Variants in TBCE observed in about 807,000 individuals in gnomAD.
TBCE encodes the protein tubulin folding cofactor E.
In TBCE, 53 loss-of-function variants were observed where a neutral mutation model predicts 77.0. The observed-to-expected ratio is 0.69, with a 90% CI of 0.55 to 0.87. The LOEUF (loss-of-function observed/expected upper bound fraction) is 0.87. Among genes scored for constraint, TBCE ranks in the 40% least tolerant of loss-of-function variants. TBCE has a pLI of 0.00. For synonymous variants in TBCE, 235 were observed against 241.3 expected (o/e 0.97, Z 0.24); for missense variants, 624 against 622.4 (o/e 1.00, Z -0.03).
chr1:235,442,990 A>G, intron 15 of TBCE, 79 bp downstream of exon 15: 2 of 1,410,554 alleles, frequency 1.4e-6, no homozygotes, highest in East Asian at 2.3e-5. Context: ...TAAAACCTTT[A>G]ACTCATGTCT....
intron 1 of TBCE, 43 bp from the exon 2 acceptor site, chr1:235,379,976 G>A (rs2102813089): frequency 1.6e-6 from 2 of 1,271,278 alleles, no homozygotes; most frequent in South Asian, 1.2e-5. Context: ...TCCTTTAAAG[G>A]AATTGTATTA....
At chr1:235,387,270 A>C (rs975659994) in intron 2 of TBCE, among the ~76,000 whole-genome samples, 1 of 152,138 alleles carries the variant, frequency 6.6e-6, no homozygotes, top group African/African-American at 2.4e-5. Flanking sequence ...TTGAGGAGGC[A>C]GTCTGCCTGT....
chr1:235,417,522 C>T (rs1367791713), intron 4 of TBCE, among the ~76,000 whole-genome samples: 2 of 152,198 alleles, frequency 1.3e-5, no homozygotes, highest in Admixed American at 1.3e-4. Context: ...GGCGTCCAGT[C>T]TGATTCCAGG....
chr1:235,421,144 C>T (rs1482574960), intron 5 of TBCE, among the ~76,000 whole-genome samples: 3 of 152,200 alleles, frequency 2.0e-5, no homozygotes, highest in Non-Finnish European at 4.4e-5. Flanking sequence ...CATGGTGGCT[C>T]ATGCTGGTAA....
chr1:235,420,300 C>T (rs540457540), intron 5 of TBCE, among the ~76,000 whole-genome samples: 54 of 151,300 alleles, frequency 3.6e-4, no homozygotes, highest in African/African-American at 1.0e-3. Flanking sequence ...CAGCCCTGGT[C>T]TGTTTTCTCA....
chr1:235,429,957 A>C (rs1425197255), intron 6 of TBCE: 1 of 152,262 alleles, frequency 6.6e-6, no homozygotes, highest in African/African-American at 2.4e-5. Flanking sequence ...ACCTCAGGTG[A>C]TCCATCTGCC....
At chr1:235,434,583 G>C (rs1681305736) in intron 8 of TBCE, among the ~76,000 whole-genome samples, 1 of 146,206 alleles carries the variant, frequency 6.8e-6, no homozygotes, top group African/African-American at 2.6e-5. Context: ...CTGTCGCCCA[G>C]GCTGGAGTGC....
At position 235,438,313 on chromosome 1, in the gene TBCE, C is replaced by T. The variant is rs146933057; in HGVS notation, c.1117-456C>T. 1.8e-3 allele frequency among the ~76,000 whole-genome samples: 274 copies of T among 152,160 alleles called. 1 individual carries two copies. Among genetic ancestry groups the T allele is most frequent in the African/African-American group, 6.3e-3 (262 of 41,506 alleles). On this transcript the variant is annotated intron_variant, in intron 12 of 16. Coordinates refer to ENST00000642610, the MANE Select transcript of TBCE (RefSeq NM_003193.5). ...CTGTAATCCCAGCACTTTGGGAGGC[C>T]GAGGTTGGCAGATCATGAGGTCAGG...
At chr1:235,388,435 C>T (rs2102830539) in intron 2 of TBCE, among the ~76,000 whole-genome samples, 1 of 151,862 alleles carries the variant, frequency 6.6e-6, no homozygotes, top group South Asian at 2.1e-4. Context: ...ATTACGGGGA[C>T]CCACCACCAC....
chr1:235,422,409 A>G (rs1680446074), intron 5 of TBCE, among the ~76,000 whole-genome samples: 2 of 152,032 alleles, frequency 1.3e-5, no homozygotes, highest in South Asian at 4.2e-4. Context: ...GCTACTCAGG[A>G]GGAGGCTGAG....
intron 2 of TBCE, among the ~76,000 whole-genome samples, chr1:235,399,531 G>A (rs999433189): frequency 2.0e-5 from 3 of 152,196 alleles, no homozygotes; most frequent in Admixed American, 2.0e-4. Context: ...CTAGAGGCAG[G>A]AATGCTAATG....
chr1:235,449,064 A>G lies in TBCE; in HGVS notation c.*302A>G. Reference sequence around the variant, plus strand: ...TAAATAGAAAGAAACTAGCTAGCCTAATAAAATCTGAACACAGTTAATATC... The same window carrying G: ...TAAATAGAAAGAAACTAGCTAGCCTGATAAAATCTGAACACAGTTAATATC... On this transcript the variant is annotated 3_prime_UTR_variant, in exon 17 of 17. Coordinates refer to ENST00000642610, the MANE Select transcript of TBCE (RefSeq NM_003193.5). The G allele has an allele frequency of 3.0e-6, 1 of 335,386 alleles. No individual in the cohort carries two copies. The highest frequency in any genetic ancestry group is 4.4e-5 in the Admixed American group (1 of 22,890). The allele number at this position is 335,386 out of a possible 1,614,324, so 20.8% of individuals were successfully genotyped here. A position where few individuals can be genotyped will look rare whatever the true frequency, so the allele number is the denominator to read the frequency against.
At chr1:235,399,806 G>T (rs1678977763) in intron 2 of TBCE, among the ~76,000 whole-genome samples, 1 of 152,188 alleles carries the variant, frequency 6.6e-6, no homozygotes, top group African/African-American at 2.4e-5. Flanking sequence ...CAGACGCCCA[G>T]GCTAGTGGCT....
Position 235,411,101 on chromosome 1 carries a change from G to A in TBCE, c.186-3332G>A, listed in dbSNP as rs535574272. Among the ~76,000 whole-genome samples the A allele has an allele frequency of 9.2e-5, 14 of 152,322 alleles. 1 individual carries two copies. In the South Asian group the frequency reaches 2.9e-3, roughly 32 times the overall value. On this transcript the variant is annotated intron_variant, in intron 3 of 16. Coordinates refer to ENST00000642610, the MANE Select transcript of TBCE (RefSeq NM_003193.5). ...ATTGTTTAAATCAAGCTAATAAGGAGTCACTAGCCAATTCCAATATGTGCC... is the reference window on the plus strand; with the variant it reads ...ATTGTTTAAATCAAGCTAATAAGGAATCACTAGCCAATTCCAATATGTGCC...
intron 1 of TBCE, among the ~76,000 whole-genome samples, chr1:235,373,868 C>T (rs1467985483): frequency 6.9e-6 from 1 of 145,826 alleles, no homozygotes; most frequent in Non-Finnish European, 1.5e-5. Context: ...CCAGGATGGT[C>T]TCGATCTCCT....
chr1:235,377,979 C>A (rs192951435), intron 1 of TBCE, among the ~76,000 whole-genome samples: 1 of 151,780 alleles, frequency 6.6e-6, no homozygotes, highest in Non-Finnish European at 1.5e-5. Context: ...ATAAAAAAAA[C>A]CCATAAAGGT....
chr1:235,367,988 C>T (rs1032263289), intron 1 of TBCE, among the ~76,000 whole-genome samples: 1 of 152,182 alleles, frequency 6.6e-6, no homozygotes, highest in African/African-American at 2.4e-5. Context: ...TTACTGCAAC[C>T]TCCGCCTCCT....
At chr1:235,436,354 T>A (rs762834677) in intron 9 of TBCE, 32 bp from the exon 10 acceptor site, 1 of 1,599,410 alleles carries the variant, frequency 6.3e-7, no homozygotes, top group East Asian at 2.2e-5. Flanking sequence ...TACATTGTTC[T>A]GTGTAATCAA....
chr1:235,380,903 A>T (rs1677595353), intron 2 of TBCE, among the ~76,000 whole-genome samples: 1 of 152,110 alleles, frequency 6.6e-6, no homozygotes, highest in Non-Finnish European at 1.5e-5. Context: ...CTCCTGCCTC[A>T]GTCTCTCGAG....
Sources: gnomAD v4.1 joint callset for allele counts (sites outside exome capture counted in the v4.1 genomes callset) on GRCh38, gnomAD v4.1.1 for gene constraint, MANE v1.5 for transcripts, NCBI Gene and HGNC (gene_info 2026-07-23, HGNC 2026-07-21) for gene names.